Variants in AUTS2 observed in about 807,000 individuals in gnomAD.
AUTS2 encodes autism susceptibility gene 2 protein.
In AUTS2, 17 loss-of-function variants were observed where a neutral mutation model predicts 112.4. That is an observed-to-expected ratio of 0.15 (90% CI 0.10 to 0.23). The LOEUF (loss-of-function observed/expected upper bound fraction) is 0.23. AUTS2 is among the 10% of genes least tolerant of loss of function. AUTS2 has a pLI of 1.00. For missense variants in AUTS2, 1,510 were observed against 1,701.6 expected, an observed-to-expected ratio of 0.89 and a Z score of 1.98; for synonymous variants, 751 against 702.7, an observed-to-expected ratio of 1.07 and a Z score of -1.09.
At chr7:70,101,555 C>G (rs1305585568) in intron 2 of AUTS2, among the ~76,000 whole-genome samples, 1 of 151,928 alleles carries the variant, frequency 6.6e-6, no homozygotes, top group East Asian at 1.9e-4. Context: ...ATTAGCCGGG[C>G]ATGGTGGTGC....
intron 4 of AUTS2, among the ~76,000 whole-genome samples, chr7:70,404,736 C>T (rs955123073): frequency 1.3e-5 from 2 of 152,108 alleles, no homozygotes; most frequent in African/African-American, 4.8e-5. Context: ...TATGTGCCTG[C>T]TTGTTGTTGT....
At chr7:70,053,974 A>G (rs1048399838) in intron 2 of AUTS2, among the ~76,000 whole-genome samples, 1 of 152,240 alleles carries the variant, frequency 6.6e-6, no homozygotes, top group Non-Finnish European at 1.5e-5. Context: ...AATGTAATTT[A>G]TATGGTACTC....
intron 4 of AUTS2, chr7:70,290,256 A>G (rs1023616386): frequency 1.4e-4 from 165 of 1,166,602 alleles, no homozygotes; most frequent in Non-Finnish European, 1.8e-4. Context: ...TAATTTCCCA[A>G]TTTTATAAAA....
intron 2 of AUTS2, among the ~76,000 whole-genome samples, chr7:69,899,727 T>A (rs1794897511): frequency 6.6e-6 from 1 of 152,228 alleles, no homozygotes; most frequent in African/African-American, 2.4e-5. Flanking sequence ...AGATGTGCTT[T>A]ATGCAACAAA....
chr7:70,115,241 G>A (rs1805298213), intron 2 of AUTS2, among the ~76,000 whole-genome samples: 1 of 152,154 alleles, frequency 6.6e-6, no homozygotes, highest in South Asian at 2.1e-4. Flanking sequence ...TCCAGGTTTT[G>A]TTAAGCCAGT....
At chr7:70,110,859 CTTTTT>C (rs71077618) in intron 2 of AUTS2, among the ~76,000 whole-genome samples, 1 of 82,782 alleles carries the variant, frequency 1.2e-5, no homozygotes, top group Non-Finnish European at 2.1e-5. Context: ...TTCTTTCTTT[CTTTTT>C]TTTTTTTTTT....
rs1793013994 is a variant in AUTS2 at position 69,611,169 on chromosome 7, T to G, written c.309+11207T>G. On this transcript the variant is annotated intron_variant, in intron 1 of 18. Transcript: ENST00000342771. ...CTTTTATATGTCTGTTGAAAATAGT[T>G]ATTTTTCAGAAGTTGTTCAAGCCAG... Among the ~76,000 whole-genome samples the G allele has an allele frequency of 2.0e-5, 3 of 152,372 alleles. No homozygotes were observed. The South Asian group carries it at 6.2e-4, about 32-fold the overall frequency.
chr7:70,168,851 G>A (rs1195975463), intron 4 of AUTS2, among the ~76,000 whole-genome samples: 2 of 152,068 alleles, frequency 1.3e-5, no homozygotes, highest in Non-Finnish European at 2.9e-5. Flanking sequence ...TACATGATTT[G>A]TACCAGTCAC....
intron 2 of AUTS2, among the ~76,000 whole-genome samples, chr7:70,028,960 G>A (rs1317236542): frequency 6.6e-6 from 1 of 152,054 alleles, no homozygotes; most frequent in Non-Finnish European, 1.5e-5. Flanking sequence ...TAGCTACATA[G>A]GACTACTGAG....
At chr7:70,142,195 T>C (rs376549334) in intron 4 of AUTS2, among the ~76,000 whole-genome samples, 1 of 152,174 alleles carries the variant, frequency 6.6e-6, no homozygotes, top group Non-Finnish European at 1.5e-5. Context: ...TGTGGGGAAA[T>C]AGCCCTCAGC....
chr7:70,488,075 T>C (rs1798086052), intron 5 of AUTS2, among the ~76,000 whole-genome samples: 1 of 152,146 alleles, frequency 6.6e-6, no homozygotes, highest in African/African-American at 2.4e-5. Context: ...TCGAGGGGCT[T>C]CTGGAACCCA....
intron 4 of AUTS2, among the ~76,000 whole-genome samples, chr7:70,377,619 T>G (rs1585076352): frequency 6.6e-6 from 1 of 151,632 alleles, no homozygotes; most frequent in Non-Finnish European, 1.5e-5. Context: ...CCATGTTCAT[T>G]AAACAATAAC....
At chr7:70,674,832 T>C (rs1209601830) in intron 5 of AUTS2, among the ~76,000 whole-genome samples, 4 of 152,240 alleles carry the variant, frequency 2.6e-5, no homozygotes, top group Non-Finnish European at 5.9e-5. Flanking sequence ...CAGTGAGATA[T>C]GGAGCCTGTC....
At chr7:69,763,701 C>T (rs1788292456) in intron 1 of AUTS2, among the ~76,000 whole-genome samples, 1 of 152,208 alleles carries the variant, frequency 6.6e-6, no homozygotes, top group Non-Finnish European at 1.5e-5. Flanking sequence ...AGAATCCCTA[C>T]TTCATAGGGT....
At chr7:69,833,891 A>G (rs933506229) in intron 1 of AUTS2, among the ~76,000 whole-genome samples, 7 of 152,194 alleles carry the variant, frequency 4.6e-5, no homozygotes, top group South Asian at 2.1e-4. Flanking sequence ...TCATGATAGA[A>G]TCATTTGGAA....
chr7:69,982,624 C>T (rs1414716176), intron 2 of AUTS2, among the ~76,000 whole-genome samples: 1 of 152,116 alleles, frequency 6.6e-6, no homozygotes. Context: ...AGTGCGTTTG[C>T]GTTTATACGG....
intron 1 of AUTS2, among the ~76,000 whole-genome samples, chr7:69,802,659 C>T (rs1056678859): frequency 6.6e-6 from 1 of 152,130 alleles, no homozygotes; most frequent in African/African-American, 2.4e-5. Context: ...GTGCTATAAC[C>T]ATCATTGATT....
At position 70,611,355 on chromosome 7, in the gene AUTS2, T is replaced by C. The variant is rs796974435; in HGVS notation, c.691-87214T>C. 1.2e-4 allele frequency among the ~76,000 whole-genome samples: 19 copies of C among 152,290 alleles called. 1 individual carries two copies. The highest frequency in any genetic ancestry group is 4.6e-4 in the African/African-American group (19 of 41,558). On this transcript the variant is annotated intron_variant, in intron 5 of 18. Coordinates refer to ENST00000342771, the MANE Select transcript of AUTS2 (RefSeq NM_015570.4). ...TCTGCGGTCTAGAATGTGGACATAATGGTTGGGGCTGCAGTTATCATCTTG... is the reference window on the plus strand; with the variant it reads ...TCTGCGGTCTAGAATGTGGACATAACGGTTGGGGCTGCAGTTATCATCTTG...
At chr7:69,665,538 G>A (rs543582661) in intron 1 of AUTS2, among the ~76,000 whole-genome samples, 2 of 152,218 alleles carry the variant, frequency 1.3e-5, no homozygotes, top group South Asian at 2.1e-4. Flanking sequence ...AGGATCATAC[G>A]GCATTGTGAT....
Sources: gnomAD v4.1 joint callset for allele counts (sites outside exome capture counted in the v4.1 genomes callset) on GRCh38, gnomAD v4.1.1 for gene constraint, MANE v1.5 for transcripts, NCBI Gene and HGNC (gene_info 2026-07-23, HGNC 2026-07-21) for gene names.